FRRS1: variants seen among roughly 807,000 people sequenced by gnomAD.
FRRS1 encodes the protein ferric reductase 1.
FRRS1 carries 51 observed loss-of-function variants against 70.7 expected under a neutral mutation model. The observed-to-expected ratio is 0.72, with a 90% CI of 0.58 to 0.91. The LOEUF (loss-of-function observed/expected upper bound fraction) is 0.91. Among genes scored for constraint, FRRS1 ranks in the 40% least tolerant of loss-of-function variants. The pLI, the probability that FRRS1 is intolerant of heterozygous loss-of-function variation, is 0.00. For synonymous variants in FRRS1, 225 were observed against 238.7 expected (o/e 0.94, Z 0.53); for missense variants, 672 against 726.0 (o/e 0.93, Z 0.86).
At chr1:99,732,697 A>C (rs987137872) in intron 7 of FRRS1, among the ~76,000 whole-genome samples, 1 of 152,174 alleles carries the variant, frequency 6.6e-6, no homozygotes, top group African/African-American at 2.4e-5. Context: ...AAAGGATAAA[A>C]AGAGAGCTCT....
intron 9 of FRRS1, 86 bp downstream of exon 9, chr1:99,728,407 T>C: frequency 1.8e-6 from 2 of 1,130,426 alleles, no homozygotes; most frequent in South Asian, 3.2e-5. Context: ...AAACGGGCAA[T>C]TACAGTAGTT....
chr1:99,728,338 T>G (rs565709824), intron 9 of FRRS1, among the ~76,000 whole-genome samples, 155 bp downstream of exon 9: 1 of 152,204 alleles, frequency 6.6e-6, no homozygotes. Flanking sequence ...AGCAAAATTT[T>G]TCTACCTTTA....
At chr1:99,738,999 A>G (rs964506394) in intron 6 of FRRS1, among the ~76,000 whole-genome samples, 2 of 152,232 alleles carry the variant, frequency 1.3e-5, no homozygotes, top group Admixed American at 1.3e-4. Flanking sequence ...AGTAAATTTC[A>G]GAAGAGAGCT....
At chr1:99,753,926 T>C (rs1338156329) in intron 1 of FRRS1, among the ~76,000 whole-genome samples, 1 of 152,218 alleles carries the variant, frequency 6.6e-6, no homozygotes, top group Non-Finnish European at 1.5e-5. Flanking sequence ...CACATATAGA[T>C]TAAAAGTAAA....
Position 99,729,731 on chromosome 1 carries a change from A to G in FRRS1, c.777T>C (p.Tyr259=). 1 of 1,611,288 alleles carries G rather than the reference A, an allele frequency of 6.2e-7. No individual in the cohort carries two copies. Among genetic ancestry groups the G allele is most frequent in the Non-Finnish European group, 8.5e-7 (1 of 1,177,608 alleles). Residue 259 remains tyrosine (Y), a synonymous_variant, in exon 8 of 17, where the codon TAT becomes TAC. Transcript: ENST00000646001. ...HDQWMGDDDA[Y]LCIHEDQTVY... is the part of the protein sequence containing the mutation. ...CAGTCTGATCTTCATGAATACACAGATAAGCATCATCATCACCCTGAAAAA... is the reference window on the plus strand; with the variant it reads ...CAGTCTGATCTTCATGAATACACAGGTAAGCATCATCATCACCCTGAAAAA...
intron 12 of FRRS1, 106 bp downstream of exon 12, chr1:99,715,480 G>A (rs1269882991): frequency 7.3e-6 from 5 of 688,142 alleles, no homozygotes; most frequent in Non-Finnish European, 7.8e-6. Context: ...AAAGAAAGAG[G>A]GATCAATGCT....
rs1172604381 is a variant in FRRS1 at position 99,738,211 on chromosome 1, C to T, written c.634G>A (p.Asp212Asn). 6.2e-7 allele frequency: 1 copy of T among 1,613,944 alleles called. No individual in the cohort carries two copies. Among genetic ancestry groups the T allele is most frequent in the Non-Finnish European group, 8.5e-7 (1 of 1,179,910 alleles). ...KFCIRSPLNC[D>N]PEKEASCVFL... ...ACACAGGAAGCCTCCTTCTCTGGGT[C>T]ACAGTTCAAAGGACTCCTAATACAG... The change falls in exon 7 of 17, where the codon GAC (aspartate) becomes AAC (asparagine). Residue 212 changes from aspartate to asparagine, a missense_variant. Asp to Asn is a conservative substitution (Grantham distance 23). Coordinates refer to ENST00000646001, the MANE Select transcript of FRRS1 (RefSeq NM_001361041.2).
chr1:99,728,501 G>A lies in FRRS1; in HGVS notation c.998C>T (p.Ala333Val). 1 of 1,610,484 alleles carries A rather than the reference G, an allele frequency of 6.2e-7. No homozygotes were observed. Among genetic ancestry groups the A allele is most frequent in the Non-Finnish European group, 8.5e-7 (1 of 1,177,092 alleles). Residue 333 changes from alanine to valine, a missense_variant, in exon 9 of 17, where the codon GCT (alanine) becomes GTT (valine). Physicochemically the swap from Ala to Val is moderately conservative, Grantham distance 64. Transcript: ENST00000646001. ...SYYIFLADGA[A>V]NDGRIYKHSQ... ...CTTAACAATATACTTACCATCATTA[G>A]CTGCACCATCTGCTAGAAATATGTA... is the stretch of plus-strand genomic sequence containing the variant.
At chr1:99,744,066 A>AG (rs1351289730) in intron 4 of FRRS1, among the ~76,000 whole-genome samples, 1 of 139,074 alleles carries the variant, frequency 7.2e-6, no homozygotes, top group East Asian at 2.0e-4. Context: ...AACGATTGTA[A>AG]AAAAAAAAAA....
chr1:99,734,345 A>G (rs912543005), intron 7 of FRRS1, among the ~76,000 whole-genome samples: 6 of 152,226 alleles, frequency 3.9e-5, no homozygotes, highest in Admixed American at 6.5e-5. Context: ...TTCTTAGAAG[A>G]CACATGTTGA....
intron 1 of FRRS1, among the ~76,000 whole-genome samples, chr1:99,763,518 A>C (rs1657207862): frequency 6.6e-6 from 1 of 152,230 alleles, no homozygotes; most frequent in South Asian, 2.1e-4. Flanking sequence ...AGATGTTAAC[A>C]ATATCTTAGT....
At chr1:99,732,040 C>CA (rs1357896135) in intron 7 of FRRS1, among the ~76,000 whole-genome samples, 1 of 152,042 alleles carries the variant, frequency 6.6e-6, no homozygotes, top group Non-Finnish European at 1.5e-5. Context: ...TTTTGTTACA[C>CA]AAAAAATTTT....
At position 99,740,874 on chromosome 1, in the gene FRRS1, TG is replaced by T. The variant is rs758195021; in HGVS notation, c.494del (p.Pro165GlnfsTer13). Reference protein sequence around the residue: ...VKIPGPIISQPNAFPFTTPKA... With the variant: ...VKIPGPIISQXNAFPFTTPKA... ...TAGGTGTTGTAAAAGGAAATGCATT[TG>T]GTTGTGAAATTATAGGACCAGGAAT... On this transcript the variant is annotated frameshift_variant, in exon 6 of 17. Coordinates refer to ENST00000646001, the MANE Select transcript of FRRS1 (RefSeq NM_001361041.2). LOFTEE classifies it high-confidence loss of function. 3 of 1,611,056 alleles carry T rather than the reference TG, an allele frequency of 1.9e-6. No individual in the cohort carries two copies. The South Asian group carries it at 3.3e-5, about 18-fold the overall frequency.
chr1:99,748,578 A>T lies in FRRS1; in HGVS notation c.191T>A (p.Ile64Asn). The T allele has an allele frequency of 2.5e-6, 4 of 1,613,314 alleles. No homozygotes were observed. Among genetic ancestry groups the T allele is most frequent in the Non-Finnish European group, 3.4e-6 (4 of 1,179,338 alleles). Reference sequence around the variant, plus strand: ...AGTTAATCCCAGCACGGTACCTTCAATCTGATCTCCTGGCCTGAATGTCAT... The same window carrying T: ...AGTTAATCCCAGCACGGTACCTTCATTCTGATCTCCTGGCCTGAATGTCAT... The part of the protein sequence containing the change: ...SQMTFRPGDQ[I>N]EVTLSGHPFK... Residue 64 changes from isoleucine to asparagine, a missense_variant, in exon 3 of 17, where the codon ATT becomes AAT. Physicochemically the swap from Ile to Asn is moderately radical, Grantham distance 149. Coordinates refer to ENST00000646001, the MANE Select transcript of FRRS1 (RefSeq NM_001361041.2).
chr1:99,738,031 A>G (rs1655761681), intron 7 of FRRS1, 55 bp downstream of exon 7: 1 of 1,431,146 alleles, frequency 7.0e-7, no homozygotes, highest in Non-Finnish European at 9.6e-7. Context: ...ATGAGCCACC[A>G]TGCCTAGCCG....
chr1:99,712,109 T>C lies in FRRS1; in HGVS notation c.1476A>G (p.Ile492Met). 3 of 1,602,692 alleles carry C rather than the reference T, an allele frequency of 1.9e-6. No homozygotes were observed. Among genetic ancestry groups the C allele is most frequent in the Admixed American group, 1.7e-5 (1 of 59,502 alleles). ...AGTGGCATCACAATCTCTTACCTGC[T>C]ATTATTCTAGCAGCTGTTCCCATAC... ...HWSMGTAARI[I>M]AVAAMFLGMD... is the part of the protein sequence containing the mutation. The change falls in exon 14 of 17, where the codon ATA becomes ATG. Residue 492 changes from isoleucine to methionine, a missense_variant. Coordinates refer to ENST00000646001, the MANE Select transcript of FRRS1 (RefSeq NM_001361041.2).
chr1:99,746,833 AAGTC>A (rs1656297426), intron 4 of FRRS1, among the ~76,000 whole-genome samples: 2 of 152,136 alleles, frequency 1.3e-5, no homozygotes, highest in African/African-American at 4.8e-5. Context: ...AAAAACAAAA[AAGTC>A]AGACAGAAAT....
At chr1:99,744,795 A>G (rs1162564072) in intron 4 of FRRS1, among the ~76,000 whole-genome samples, 3 of 151,426 alleles carry the variant, frequency 2.0e-5, no homozygotes, top group Non-Finnish European at 2.9e-5. Flanking sequence ...CAAAAATAAT[A>G]ACAATAATAA....
chr1:99,735,062 T>A (rs924415172), intron 7 of FRRS1, among the ~76,000 whole-genome samples: 1 of 152,254 alleles, frequency 6.6e-6, no homozygotes, highest in African/African-American at 2.4e-5. Context: ...CAGTACATCT[T>A]CACTTAAACT....
Sources: allele counts gnomAD v4.1 joint callset (sites outside exome capture counted in the v4.1 genomes callset), GRCh38; gene constraint gnomAD v4.1.1; transcripts MANE v1.5; gene names NCBI Gene and HGNC (gene_info 2026-07-23, HGNC 2026-07-21).